The following CDC42BPA variants were observed in gnomAD, a reference collection of about 807,000 sequenced individuals.
CDC42BPA encodes the protein CDC42 binding protein kinase alpha, also known as serine/threonine-protein kinase MRCK alpha.
Under a neutral mutation model 223.5 loss-of-function variants are expected in CDC42BPA, and 80 were observed. The ratio of observed to expected loss-of-function variants is 0.36; its 90% CI spans 0.30 to 0.43. The LOEUF (loss-of-function observed/expected upper bound fraction) is 0.43. Ranked by LOEUF, CDC42BPA falls within the 20% of genes least tolerant of loss-of-function variation. CDC42BPA has a pLI of 1.00. For missense variants in CDC42BPA, 1,743 were observed against 2,099.9 expected (o/e 0.83, Z 3.32); for synonymous variants, 694 against 718.6 (o/e 0.97, Z 0.55).
chr1:227,123,129 C>T (rs1688957927), intron 11 of CDC42BPA, among the ~76,000 whole-genome samples: 1 of 152,090 alleles, frequency 6.6e-6, no homozygotes, highest in African/African-American at 2.4e-5. Flanking sequence ...ATGGTGAAAC[C>T]CCATCTCTAC....
At chr1:227,063,388 A>G (rs1351372202) in intron 21 of CDC42BPA, among the ~76,000 whole-genome samples, 1 of 152,128 alleles carries the variant, frequency 6.6e-6, no homozygotes, top group African/African-American at 2.4e-5. Context: ...AAATAATCTC[A>G]GGAGTACATA....
At position 227,111,472 on chromosome 1, in the gene CDC42BPA, T is replaced by C. The variant is rs569120114; in HGVS notation, c.2001+840A>G. Among the ~76,000 whole-genome samples the C allele has an allele frequency of 1.2e-3, 181 of 152,096 alleles. 1 individual carries two copies. Among genetic ancestry groups the C allele is most frequent in the Non-Finnish European group, 2.3e-3 (155 of 68,000 alleles). ...AGTTTTATAGAGGAGAAAATTAAAG[T>C]ATAATGAGGTTAAATGTTGTTTTGT... On this transcript the variant is annotated intron_variant, in intron 14 of 36. Coordinates refer to ENST00000366766, the MANE Select transcript of CDC42BPA (RefSeq NM_001394014.1).
rs1572393198 is a variant in CDC42BPA at position 227,035,518 on chromosome 1, T to C, written c.3289A>G (p.Ile1097Val). 1.2e-6 allele frequency: 2 copies of C among 1,612,080 alleles called. No individual in the cohort carries two copies. The highest frequency in any genetic ancestry group is 2.2e-5 in the East Asian group (1 of 44,786). ...GTTCCTATTCCTTTCTGAGGATCTATACCCAGGGGACCTTTTGTCTGTTCA... is the reference window on the plus strand; with the variant it reads ...GTTCCTATTCCTTTCTGAGGATCTACACCCAGGGGACCTTTTGTCTGTTCA... ...PPEQTKGPLG[I>V]DPQKGIGTAY... is the part of the protein sequence containing the mutation. The change falls in exon 25 of 37, where the codon ATA becomes GTA. Residue 1097 changes from isoleucine (I) to valine (V), a missense_variant. Transcript: ENST00000366766.
In CDC42BPA at chr1:226,994,734, G is replaced by T; in HGVS notation, c.5133+89C>A. ...GCCCCTGACCCCGAACCCTGCTGCAGCTGAGGCCAATCCCAAGGTGGTGGG... is the reference window on the plus strand; with the variant it reads ...GCCCCTGACCCCGAACCCTGCTGCATCTGAGGCCAATCCCAAGGTGGTGGG... On this transcript the variant is annotated intron_variant, in intron 36 of 36. Coordinates refer to ENST00000366766, the MANE Select transcript of CDC42BPA (RefSeq NM_001394014.1). The surrounding 1 kb of genome is among the most constrained non-coding windows in gnomAD (Gnocchi z 4.0). 7.4e-7 allele frequency: 1 copy of T among 1,353,460 alleles called. No homozygotes were observed. 83.8% of individuals were successfully genotyped at this position (1,353,460 alleles called of 1,614,324 possible).
intron 1 of CDC42BPA, among the ~76,000 whole-genome samples, chr1:227,301,189 TGAA>T (rs919423133): frequency 6.6e-6 from 1 of 152,150 alleles, no homozygotes; most frequent in Non-Finnish European, 1.5e-5. Context: ...GAGAAATAAC[TGAA>T]GAAGAAAAAG....
chr1:227,231,701 T>C (rs1447880308), intron 2 of CDC42BPA, among the ~76,000 whole-genome samples: 2 of 151,868 alleles, frequency 1.3e-5, no homozygotes, highest in African/African-American at 2.4e-5. Flanking sequence ...TGGTATCCCA[T>C]TGTGGTTTTG....
intron 2 of CDC42BPA, among the ~76,000 whole-genome samples, chr1:227,244,877 G>A (rs184994787): frequency 3.3e-5 from 5 of 152,340 alleles, no homozygotes; most frequent in Admixed American, 6.5e-5. Flanking sequence ...ACTTCAGGGA[G>A]GGAAAGCGCA....
At chr1:227,252,327 T>C (rs1464444524) in intron 2 of CDC42BPA, among the ~76,000 whole-genome samples, 2 of 151,968 alleles carry the variant, frequency 1.3e-5, no homozygotes, top group Non-Finnish European at 2.9e-5. Context: ...ATGAAATGGA[T>C]AAACCTAGCA....
At chr1:227,231,106 G>C (rs1245025518) in intron 2 of CDC42BPA, among the ~76,000 whole-genome samples, 4 of 151,006 alleles carry the variant, frequency 2.6e-5, no homozygotes, top group African/African-American at 4.9e-5. Context: ...ATTTACATTA[G>C]GTATATCTCC....
chr1:227,101,677 T>C (rs1055217206), intron 14 of CDC42BPA, among the ~76,000 whole-genome samples: 1 of 152,142 alleles, frequency 6.6e-6, no homozygotes, highest in African/African-American at 2.4e-5. Flanking sequence ...GGCAAAGGAA[T>C]GGTAGAGTAG....
intron 5 of CDC42BPA, among the ~76,000 whole-genome samples, chr1:227,175,031 ATT>A (rs201385126): frequency 0.011 from 1,633 of 152,240 alleles, 33 homozygotes; most frequent in African/African-American, 0.037. Context: ...ATATTCTGCC[ATT>A]GATTTATTGC....
At chr1:227,286,437 C>G (rs1424561745) in intron 1 of CDC42BPA, among the ~76,000 whole-genome samples, 2 of 152,258 alleles carry the variant, frequency 1.3e-5, no homozygotes, top group Admixed American at 1.3e-4. Flanking sequence ...TCCAGAGTTC[C>G]CAGTAAATTC....
intron 14 of CDC42BPA, 52 bp downstream of exon 14, chr1:227,112,260 C>G: frequency 9.1e-7 from 1 of 1,099,242 alleles, no homozygotes; most frequent in Non-Finnish European, 1.3e-6. Flanking sequence ...TCCTAACAAG[C>G]CTAAAGAGAA....
chr1:227,250,924 A>G (rs1681889208), intron 2 of CDC42BPA, among the ~76,000 whole-genome samples: 1 of 152,036 alleles, frequency 6.6e-6, no homozygotes, highest in African/African-American at 2.4e-5. Flanking sequence ...ATGCTGGTGC[A>G]CAGCTATAGT....
intron 11 of CDC42BPA, among the ~76,000 whole-genome samples, chr1:227,128,409 C>G (rs898552171): frequency 6.4e-4 from 97 of 152,244 alleles, no homozygotes; most frequent in African/African-American, 2.2e-3. Context: ...GCACTTATTA[C>G]CTTCCAACAT....
At chr1:227,054,534 G>GC (rs1181427519) in intron 21 of CDC42BPA, among the ~76,000 whole-genome samples, 5 of 152,166 alleles carry the variant, frequency 3.3e-5, no homozygotes, top group Non-Finnish European at 7.4e-5. Flanking sequence ...ACATTTACCA[G>GC]CATGTTTGCT....
chr1:227,139,881 G>C (rs1023583463), intron 9 of CDC42BPA, 139 bp from the exon 10 acceptor site: 13 of 426,408 alleles, frequency 3.0e-5, no homozygotes, highest in Admixed American at 1.3e-4. Flanking sequence ...TTAAAACACA[G>C]ATCTGAATAT....
At chr1:227,199,266 T>C (rs1671309458) in intron 4 of CDC42BPA, among the ~76,000 whole-genome samples, 1 of 152,184 alleles carries the variant, frequency 6.6e-6, no homozygotes, top group South Asian at 2.1e-4. Flanking sequence ...GTACTGGTGT[T>C]AAAGGTATCA....
At chr1:227,112,210 A>G (rs887494792) in intron 14 of CDC42BPA, 102 bp downstream of exon 14, 1 of 545,862 alleles carries the variant, frequency 1.8e-6, no homozygotes. Context: ...AAGAAAGGCT[A>G]GTTTTCACTG....
Sources: allele counts gnomAD v4.1 joint callset (sites outside exome capture counted in the v4.1 genomes callset), GRCh38; gene constraint gnomAD v4.1.1; non-coding constraint Gnocchi (gnomAD v3.1); transcripts MANE v1.5; gene names NCBI Gene and HGNC (gene_info 2026-07-23, HGNC 2026-07-21).